Variants in OSBPL1A observed in about 807,000 individuals in gnomAD.
OSBPL1A encodes the protein oxysterol binding protein like 1A, also known as oxysterol-binding protein-related protein 1.
In OSBPL1A, 80 loss-of-function variants were observed where a neutral mutation model predicts 137.1. The observed-to-expected ratio is 0.58, with a 90% CI of 0.49 to 0.70. OSBPL1A has a LOEUF of 0.70. Ranked by LOEUF, OSBPL1A falls within the 30% of genes least tolerant of loss-of-function variation. The pLI, the probability that OSBPL1A is intolerant of heterozygous loss-of-function variation, is 0.00. For synonymous variants in OSBPL1A, 365 were observed against 389.7 expected, an observed-to-expected ratio of 0.94 and a Z score of 0.75; for missense variants, 970 against 1,129.4, an observed-to-expected ratio of 0.86 and a Z score of 2.02.
intron 15 of OSBPL1A, chr18:24,272,024 G>A (rs927221812): frequency 3.3e-5 from 32 of 981,652 alleles, no homozygotes; most frequent in Middle Eastern, 5.2e-4. Context: ...CTCCCTGCGC[G>A]CGGCGGGCAG....
intron 4 of OSBPL1A, among the ~76,000 whole-genome samples, chr18:24,352,453 G>A (rs549805512): frequency 6.6e-6 from 1 of 152,294 alleles, no homozygotes; most frequent in Admixed American, 6.5e-5. Context: ...ATGCTCATGG[G>A]TAGGAAGAAT....
intron 15 of OSBPL1A, among the ~76,000 whole-genome samples, chr18:24,260,289 T>C (rs1336481528): frequency 1.3e-5 from 2 of 152,142 alleles, no homozygotes; most frequent in African/African-American, 4.8e-5. Flanking sequence ...AGAAACACCA[T>C]CTAACCCAGG....
At chr18:24,222,941 A>T (rs991152564) in intron 17 of OSBPL1A, among the ~76,000 whole-genome samples, 1 of 152,212 alleles carries the variant, frequency 6.6e-6, no homozygotes, top group South Asian at 2.1e-4. Flanking sequence ...AAGTTAAATA[A>T]ATCATAAGTA....
chr18:24,344,325 C>T (rs990547404), intron 4 of OSBPL1A, among the ~76,000 whole-genome samples: 14 of 152,088 alleles, frequency 9.2e-5, no homozygotes, highest in African/African-American at 2.2e-4. Flanking sequence ...TGGCATATGC[C>T]GGTAGTCCCA....
At chr18:24,337,423 A>ACATAACATAACATAACAT in intron 5 of OSBPL1A, among the ~76,000 whole-genome samples, 4 of 151,818 alleles carry the variant, frequency 2.6e-5, no homozygotes, top group Non-Finnish European at 2.9e-5. Context: ...ACATAACATA[A>ACATAACATAACATAACAT]AGCCAGGCAT....
intron 2 of OSBPL1A, among the ~76,000 whole-genome samples, chr18:24,369,930 T>C (rs1395446081): frequency 6.6e-6 from 1 of 152,082 alleles, no homozygotes; most frequent in Non-Finnish European, 1.5e-5. Context: ...ACATCAAAAC[T>C]CCCACTGCTG....
At chr18:24,386,609 A>AG (rs1184332415) in intron 1 of OSBPL1A, among the ~76,000 whole-genome samples, 59 of 152,178 alleles carry the variant, frequency 3.9e-4, no homozygotes, top group African/African-American at 1.3e-3. Context: ...AAGGAATGGC[A>AG]GGGGTGGGGA....
At chr18:24,294,655 T>C (rs2090257515) in intron 14 of OSBPL1A, among the ~76,000 whole-genome samples, 1 of 152,204 alleles carries the variant, frequency 6.6e-6, no homozygotes, top group Non-Finnish European at 1.5e-5. Context: ...ACAAATGGTT[T>C]TTGGTTTTTC....
At chr18:24,243,634 C>A (rs953507921) in intron 15 of OSBPL1A, among the ~76,000 whole-genome samples, 1 of 152,168 alleles carries the variant, frequency 6.6e-6, no homozygotes, top group Non-Finnish European at 1.5e-5. Context: ...TAGCTGCTAC[C>A]GCATTCACAT....
At chr18:24,197,453 T>G (rs955792883) in intron 17 of OSBPL1A, among the ~76,000 whole-genome samples, 3 of 152,254 alleles carry the variant, frequency 2.0e-5, no homozygotes, top group African/African-American at 7.2e-5. Context: ...CTGAAGAACC[T>G]CTAAATTAAA....
intron 16 of OSBPL1A, among the ~76,000 whole-genome samples, chr18:24,231,026 G>A (rs1360923743): frequency 6.6e-6 from 1 of 152,130 alleles, no homozygotes; most frequent in Non-Finnish European, 1.5e-5. Flanking sequence ...CTGAGGTGGA[G>A]GATCACTTAA....
At chr18:24,296,821 A>T (rs1162116093) in intron 14 of OSBPL1A, among the ~76,000 whole-genome samples, 7 of 152,186 alleles carry the variant, frequency 4.6e-5, no homozygotes, top group Admixed American at 4.6e-4. Context: ...TGCATATATT[A>T]AAGCATCCCT....
At chr18:24,261,771 T>C (rs2146042626) in intron 15 of OSBPL1A, among the ~76,000 whole-genome samples, 1 of 152,248 alleles carries the variant, frequency 6.6e-6, no homozygotes, top group South Asian at 2.1e-4. Context: ...AAGTTAAGGC[T>C]GCAGTGAGCT....
intron 4 of OSBPL1A, among the ~76,000 whole-genome samples, chr18:24,356,936 A>C (rs939099365): frequency 6.6e-6 from 1 of 152,208 alleles, no homozygotes; most frequent in Non-Finnish European, 1.5e-5. Flanking sequence ...CATGGTAAGC[A>C]GCAACCGATA....
At chr18:24,367,991 A>AT (rs1905282945) in intron 3 of OSBPL1A, 2 of 208,810 alleles carry the variant, frequency 9.6e-6, no homozygotes, top group South Asian at 1.6e-4. Flanking sequence ...TGCTTTGGTT[A>AT]TTTTTTCAAC....
chr18:24,178,015 A>C lies in OSBPL1A; in HGVS notation c.2091T>G (p.Leu697=), dbSNP rs1430586635. Residue 697 remains leucine, a splice_region_variant and synonymous_variant, in exon 21 of 28, where the codon CTT becomes CTG. Transcript: ENST00000319481. ...GTAATGGCTTGATCAGAACTCACTCAAGGAGCTCCAAGGTGATGGTTCCTT... is the reference window on the plus strand; with the variant it reads ...GTAATGGCTTGATCAGAACTCACTCCAGGAGCTCCAAGGTGATGGTTCCTT... The part of the protein sequence containing the change: ...EPKGTITLEL[L]EHNEAYTWTN... 1 of 1,613,124 alleles carries C rather than the reference A, an allele frequency of 6.2e-7. No homozygotes were observed. The highest frequency in any genetic ancestry group is 8.5e-7 in the Non-Finnish European group (1 of 1,179,210).
chr18:24,346,198 A>G (rs7243495), intron 4 of OSBPL1A, among the ~76,000 whole-genome samples: 55,285 of 152,048 alleles, frequency 0.36, 10,957 homozygotes, highest in East Asian at 0.53. Context: ...CTCAGCAGTC[A>G]GTCATTCCCT....
At chr18:24,280,794 T>A in intron 15 of OSBPL1A, 48 bp downstream of exon 15, 1 of 1,335,006 alleles carries the variant, frequency 7.5e-7, no homozygotes, top group Non-Finnish European at 1.0e-6. Flanking sequence ...CAACCACGCA[T>A]GCAACATCCA....
At chr18:24,326,365 T>C (rs1224635357) in intron 7 of OSBPL1A, among the ~76,000 whole-genome samples, 4 of 152,218 alleles carry the variant, frequency 2.6e-5, no homozygotes, top group Non-Finnish European at 5.9e-5. Context: ...CCTATCCACA[T>C]TGCCAGGAGG....
Sources: allele counts gnomAD v4.1 joint callset (sites outside exome capture counted in the v4.1 genomes callset), GRCh38; gene constraint gnomAD v4.1.1; transcripts MANE v1.5; gene names NCBI Gene and HGNC (gene_info 2026-07-23, HGNC 2026-07-21).